The following MORN1 variants were observed in gnomAD, a reference collection of about 807,000 sequenced individuals.
MORN1 encodes the protein MORN repeat-containing protein 1.
MORN1 carries 67 observed loss-of-function variants against 61.9 expected under a neutral mutation model. The ratio of observed to expected loss-of-function variants is 1.08; its 90% CI spans 0.89 to 1.33. MORN1 has a LOEUF of 1.33. MORN1 is among the 40% of genes most tolerant of loss of function. The probability of loss-of-function intolerance (pLI) is 0.00; values close to 1 mark genes in which losing one functional copy is unlikely to be tolerated. For missense variants in MORN1, 752 were observed against 691.2 expected (o/e 1.09, Z -0.99); for synonymous variants, 301 against 292.0 (o/e 1.03, Z -0.31).
intron 13 of MORN1, chr1:2,322,274 C>G: frequency 2.0e-6 from 2 of 985,436 alleles, no homozygotes; most frequent in Non-Finnish European, 2.4e-6. Context: ...TCTCCCCTCC[C>G]CTGAGCCTGC....
At position 2,388,321 on chromosome 1, in the gene MORN1, TAAC is replaced by T; in HGVS notation, c.162_164del (p.Leu55del). On this transcript the variant is annotated inframe_deletion, in exon 3 of 14. Coordinates refer to ENST00000378531, the MANE Select transcript of MORN1 (RefSeq NM_024848.3). ...CTTCGTAATAACTGCCATCTTTAAA[TAAC>T]AACTTCCCGTGACCTGGCAGGAGAA... 1 of 1,613,978 alleles carries T rather than the reference TAAC, an allele frequency of 6.2e-7. No homozygotes were observed. Among genetic ancestry groups the T allele is most frequent in the Non-Finnish European group, 8.5e-7 (1 of 1,179,986 alleles).
intron 12 of MORN1, among the ~76,000 whole-genome samples, chr1:2,335,158 C>T (rs2100249759): frequency 1.3e-5 from 2 of 152,340 alleles, no homozygotes; most frequent in East Asian, 3.9e-4. Context: ...GCATCGAAGG[C>T]CTGCCAGTGC....
chr1:2,324,033 G>A (rs893372498), intron 13 of MORN1, 64 bp downstream of exon 13: 3 of 1,530,538 alleles, frequency 2.0e-6, no homozygotes, highest in Admixed American at 4.0e-5. Flanking sequence ...CCAGCCCTGG[G>A]CTGCGGCCTC....
At chr1:2,343,361 C>G (rs939662727) in intron 10 of MORN1, among the ~76,000 whole-genome samples, 1 of 152,208 alleles carries the variant, frequency 6.6e-6, no homozygotes, top group Non-Finnish European at 1.5e-5. Context: ...GCCGCTGGGC[C>G]CTGTGACAGA....
chr1:2,324,074 G>A, intron 13 of MORN1, 23 bp downstream of exon 13: 1 of 1,587,942 alleles, frequency 6.3e-7, no homozygotes, highest in Non-Finnish European at 8.6e-7. Context: ...AGCCGGCGAT[G>A]GACTTGGGCC....
intron 13 of MORN1, chr1:2,322,948 CACTT>C (rs985036952): frequency 5.0e-5 from 49 of 985,456 alleles, no homozygotes; most frequent in African/African-American, 5.2e-5. Context: ...GGCCAGCTCT[CACTT>C]AGGGCCTCGG....
In MORN1 at chr1:2,348,436, G is replaced by A. The variant is rs538493013; in HGVS notation, c.1036+8996C>T. On this transcript the variant is annotated intron_variant, in intron 10 of 13. Transcript: ENST00000378531. ...GACTCCTCCTCCCTCTGCCCTCCAT[G>A]GGGGAAGTGCCTCCATCCTGCCCCA... 3.3e-5 allele frequency among the ~76,000 whole-genome samples: 5 copies of A among 152,166 alleles called. No homozygotes were observed. The South Asian group carries it at 8.3e-4, about 25-fold the overall frequency.
chr1:2,325,110 T>TTCCCTCCCTTCCTTCCCTCCCTTCCC (rs1471530243), intron 12 of MORN1, among the ~76,000 whole-genome samples: 1 of 45,952 alleles, frequency 2.2e-5, no homozygotes, highest in African/African-American at 1.4e-4. Flanking sequence ...TCCCCTTTCC[T>TTCCCTCCCTTCCTTCCCTCCCTTCCC]TCCCTTCCTT....
At chr1:2,354,219 GC>G (rs1343063065) in intron 10 of MORN1, among the ~76,000 whole-genome samples, 1 of 152,190 alleles carries the variant, frequency 6.6e-6, no homozygotes, top group Admixed American at 6.5e-5. Context: ...CAAGGACCCT[GC>G]CGACCGTGCT....
chr1:2,385,895 G>A lies in MORN1; in HGVS notation c.361C>T (p.His121Tyr), dbSNP rs760115552. ...CCATCCCGGTCCACCAGAAACCCGTGTCCTGGAGAAGGGACCGAGAGACAG... is the reference window on the plus strand; with the variant it reads ...CCATCCCGGTCCACCAGAAACCCGTATCCTGGAGAAGGGACCGAGAGACAG... ...GEVSHGMREG[H>Y]GFLVDRDGQV... The change falls in exon 5 of 14, where the codon CAC becomes TAC. Residue 121 changes from histidine (H) to tyrosine (Y), a missense_variant and splice_region_variant. His to Tyr is a moderately conservative substitution (Grantham distance 83). Coordinates refer to ENST00000378531, the MANE Select transcript of MORN1 (RefSeq NM_024848.3). 1.2e-6 allele frequency: 2 copies of A among 1,613,854 alleles called. No individual in the cohort carries two copies. The highest frequency in any genetic ancestry group is 2.2e-5 in the South Asian group (2 of 91,078).
chr1:2,381,759 C>T (rs751226677), intron 6 of MORN1, among the ~76,000 whole-genome samples: 4 of 152,198 alleles, frequency 2.6e-5, no homozygotes, highest in Non-Finnish European at 4.4e-5. Context: ...GGGGGCCCGG[C>T]TCTCAGGAGT....
intron 10 of MORN1, among the ~76,000 whole-genome samples, chr1:2,339,801 C>A (rs1193815327): frequency 6.6e-6 from 1 of 152,186 alleles, no homozygotes; most frequent in Non-Finnish European, 1.5e-5. Context: ...CCAGCCTGGC[C>A]CCGGCCTGAT....
At chr1:2,326,244 A>G (rs2100226350) in intron 12 of MORN1, 1 of 152,336 alleles carries the variant, frequency 6.6e-6, no homozygotes, top group South Asian at 2.1e-4. Context: ...AGTGGGGAGA[A>G]CAGGCTTTGC....
At chr1:2,333,958 G>C (rs569895724) in intron 12 of MORN1, among the ~76,000 whole-genome samples, 4 of 152,322 alleles carry the variant, frequency 2.6e-5, no homozygotes, top group African/African-American at 9.6e-5. Context: ...CCCAGAGCCA[G>C]GTCTGGACGC....
intron 12 of MORN1, among the ~76,000 whole-genome samples, chr1:2,325,257 C>G (rs528169547): frequency 1.7e-5 from 2 of 116,970 alleles, no homozygotes; most frequent in Admixed American, 9.2e-5. Flanking sequence ...TCTCTCTCCT[C>G]TCTCTCTCTG....
At chr1:2,341,750 C>T (rs933047967) in intron 10 of MORN1, among the ~76,000 whole-genome samples, 2 of 152,156 alleles carry the variant, frequency 1.3e-5, no homozygotes, top group Admixed American at 6.5e-5. Flanking sequence ...AAGTGCCCCC[C>T]AAAGGCATTA....
chr1:2,349,777 C>T (rs1011810814), intron 10 of MORN1, among the ~76,000 whole-genome samples: 5 of 152,140 alleles, frequency 3.3e-5, no homozygotes, highest in African/African-American at 7.2e-5. Context: ...CTTACAATCA[C>T]GATTGATTCT....
At chr1:2,322,078 C>A (rs1386574262) in intron 13 of MORN1, 1 of 985,336 alleles carries the variant, frequency 1.0e-6, no homozygotes, top group Non-Finnish European at 1.2e-6. Context: ...CTGGCCCCTT[C>A]CCCACACCCG....
intron 3 of MORN1, chr1:2,387,960 G>A (rs1401747894): frequency 1.3e-5 from 6 of 464,142 alleles, no homozygotes; most frequent in African/African-American, 5.9e-5. Context: ...CCCATCTAGG[G>A]ATACAATGTG....
Sources: gnomAD v4.1 joint callset for allele counts (sites outside exome capture counted in the v4.1 genomes callset) on GRCh38, gnomAD v4.1.1 for gene constraint, MANE v1.5 for transcripts, NCBI Gene and HGNC (gene_info 2026-07-23, HGNC 2026-07-21) for gene names.